ZNF619: variants seen among roughly 807,000 people sequenced by gnomAD.
ZNF619 encodes zinc finger protein 619.
In ZNF619, 9 loss-of-function variants were observed where a neutral mutation model predicts 14.2. That is an observed-to-expected ratio of 0.64 (90% CI 0.38 to 1.11). The LOEUF (loss-of-function observed/expected upper bound fraction) is 1.11, where lower values mean the gene tolerates loss of function less well. Ranked by LOEUF, ZNF619 falls within the 50% of genes least tolerant of loss-of-function variation. ZNF619 has a pLI of 0.01. For missense variants in ZNF619, 659 were observed against 680.1 expected (o/e 0.97, Z 0.34); for synonymous variants, 246 against 252.8 (o/e 0.97, Z 0.26).
rs928149491 is a variant in ZNF619, at chr3:40,488,523, T to C, written c.*282T>C. The C allele has an allele frequency of 4.9e-6, 2 of 404,936 alleles. No homozygotes were observed. The highest frequency in any genetic ancestry group is 4.1e-5 in the Admixed American group (1 of 24,250). 25.1% of individuals were successfully genotyped at this position (404,936 alleles called of 1,614,324 possible). ...TGGAGTTGGAAGAGTTTGCAGAACA[T>C]TTTGGGGTTTAGGGCATATGGCATT... On this transcript the variant is annotated 3_prime_UTR_variant, in exon 5 of 5. Coordinates refer to ENST00000432264, the MANE Select transcript of ZNF619 (RefSeq NM_001145093.4).
At position 40,482,938 on chromosome 3, in the gene ZNF619, G is replaced by A. The variant is rs536225375; in HGVS notation, c.295+234G>A. ...AAAGCTAAAGGATTTCAGGCTGGAT[G>A]TGGTGGCTTACACCTATATCCGAGC... On this transcript the variant is annotated intron_variant, in intron 4 of 4. Transcript: ENST00000432264. Among the ~76,000 whole-genome samples, 75 of 152,320 alleles carry A rather than the reference G, an allele frequency of 4.9e-4. 2 individuals are homozygous for A. The South Asian group carries it at 0.015, about 31-fold the overall frequency.
chr3:40,484,071 G>T (rs573786991), intron 4 of ZNF619, among the ~76,000 whole-genome samples: 37 of 151,810 alleles, frequency 2.4e-4, no homozygotes, highest in South Asian at 1.5e-3. Flanking sequence ...GATTACAGGC[G>T]CCCGCCACCA....
chr3:40,488,065 C>A lies in ZNF619; in HGVS notation c.1555C>A (p.Pro519Thr). The change falls in exon 5 of 5, where the codon CCC (proline) becomes ACC (threonine). Residue 519 changes from proline to threonine, a missense_variant. Physicochemically the swap from Pro to Thr is conservative, Grantham distance 38. Transcript: ENST00000432264. ...TCSALAPPGPPLSSSHAVVLP... is the reference protein window; with the variant it reads ...TCSALAPPGPTLSSSHAVVLP... Reference sequence around the variant, plus strand: ...CTCTGCCCTAGCCCCACCAGGGCCTCCCTTATCTTCTTCACATGCAGTGGT... The same window carrying A: ...CTCTGCCCTAGCCCCACCAGGGCCTACCTTATCTTCTTCACATGCAGTGGT... 1 of 1,614,228 alleles carries A rather than the reference C, an allele frequency of 6.2e-7. No homozygotes were observed. Among genetic ancestry groups the A allele is most frequent in the Non-Finnish European group, 8.5e-7 (1 of 1,180,036 alleles).
In ZNF619 at chr3:40,482,182, C is replaced by A. The variant is rs1697422884; in HGVS notation, c.178+166C>A. 3.2e-6 allele frequency: 5 copies of A among 1,547,596 alleles called. No individual in the cohort carries two copies. In the East Asian group the frequency reaches 1.2e-4, roughly 38 times the overall value. ...AGCTGGATGGAGAAAGAGCTCGGTT[C>A]ACTTTGGTGTTTAACAGGACTTTTC... On this transcript the variant is annotated intron_variant, in intron 3 of 4. Transcript: ENST00000432264.
At chr3:40,484,148 ACTT>A (rs1480724393) in intron 4 of ZNF619, among the ~76,000 whole-genome samples, 2 of 151,630 alleles carry the variant, frequency 1.3e-5, no homozygotes, top group African/African-American at 2.4e-5. Context: ...TTCGTCTTGA[ACTT>A]CTTACCTCAA....
intron 3 of ZNF619, 109 bp downstream of exon 3, chr3:40,482,125 G>T (rs1446893564): frequency 1.3e-6 from 2 of 1,552,678 alleles, no homozygotes; most frequent in Non-Finnish European, 8.7e-7. Flanking sequence ...ATGCCCTATG[G>T]GCTGAGCTCC....
chr3:40,483,774 A>G (rs1307017086), intron 4 of ZNF619: 4 of 351,898 alleles, frequency 1.1e-5, no homozygotes, highest in Admixed American at 7.1e-5. Flanking sequence ...GATTATAGGC[A>G]TGTGTCACCA....
In ZNF619 at chr3:40,490,404, GC is replaced by G. The variant is rs1031239552; in HGVS notation, c.*2165del. 6.6e-6 allele frequency among the ~76,000 whole-genome samples: 1 copy of G among 152,172 alleles called. No individual in the cohort carries two copies. The highest frequency in any genetic ancestry group is 1.5e-5 in the Non-Finnish European group (1 of 68,024). ...AATCTGGAAGATCAGGTCAGACAAAGCCTGTATTATCTAATGGAGCATTAAG... is the reference window on the plus strand; with the variant it reads ...AATCTGGAAGATCAGGTCAGACAAAGCTGTATTATCTAATGGAGCATTAAG... On this transcript the variant is annotated 3_prime_UTR_variant, in exon 5 of 5. Coordinates refer to ENST00000432264, the MANE Select transcript of ZNF619 (RefSeq NM_001145093.4).
In ZNF619 at chr3:40,478,007, A is replaced by G; in HGVS notation, c.24+4A>G. ...GCTCCAGACAGTGTGGTTCCAGGTGAGCAGAGCTTTCTTTCAGCTTTCCAT... is the reference window on the plus strand; with the variant it reads ...GCTCCAGACAGTGTGGTTCCAGGTGGGCAGAGCTTTCTTTCAGCTTTCCAT... On this transcript the variant is annotated splice_donor_region_variant and intron_variant, in intron 2 of 4. Coordinates refer to ENST00000432264, the MANE Select transcript of ZNF619 (RefSeq NM_001145093.4). 2 of 1,553,222 alleles carry G rather than the reference A, an allele frequency of 1.3e-6. No individual in the cohort carries two copies. Among genetic ancestry groups the G allele is most frequent in the Non-Finnish European group, 1.7e-6 (2 of 1,147,626 alleles).
Position 40,477,330 on chromosome 3 carries a change from G to A in ZNF619, c.-90G>A, listed in dbSNP as rs9882171. On this transcript the variant is annotated 5_prime_UTR_variant, in exon 1 of 5. Transcript: ENST00000432264. ...GACGCCCTCGACCTTCCTGCTCCGA[G>A]GAGCTGGCCTGATGTCCTCGGGTCG... 0.36 allele frequency: 54,714 copies of A among 152,606 alleles called. 10,111 individuals are homozygous for A. Among genetic ancestry groups the A allele is most frequent in the East Asian group, 0.48 (2,445 of 5,136 alleles). The allele number at this position is 152,606 out of a possible 1,614,324, so 9.5% of individuals were successfully genotyped here.
rs369231096 is a variant in ZNF619 at position 40,482,641 on chromosome 3, G to A, written c.232G>A (p.Ala78Thr). The change falls in exon 4 of 5, where the codon GCA (alanine) becomes ACA (threonine). Residue 78 changes from alanine (A) to threonine (T), a missense_variant. Physicochemically the swap from Ala to Thr is moderately conservative, Grantham distance 58. Coordinates refer to ENST00000432264, the MANE Select transcript of ZNF619 (RefSeq NM_001145093.4). ...GATATTCCAGCTGGAGCAAGGAGAA[G>A]CAGCATGGGGCCCAGATCCCTGGAC... ...DLIFQLEQGE[A>T]AWGPDPWTLA... 4 of 1,614,200 alleles carry A rather than the reference G, an allele frequency of 2.5e-6. No homozygotes were observed. The highest frequency in any genetic ancestry group is 3.3e-4 in the Middle Eastern group (2 of 6,056).
At chr3:40,482,226 G>GGA (rs769373471) in intron 3 of ZNF619, 2 of 1,551,606 alleles carry the variant, frequency 1.3e-6, no homozygotes, top group South Asian at 2.4e-5. Flanking sequence ...GGTTCCTAAT[G>GGA]GAGACCCAAC....
chr3:40,482,107 C>G, intron 3 of ZNF619, 91 bp downstream of exon 3: 1 of 1,549,976 alleles, frequency 6.5e-7, no homozygotes, highest in East Asian at 2.3e-5. Context: ...TTAATACCAT[C>G]AGAATTGATG....
At chr3:40,480,912 G>A (rs2125635836) in intron 2 of ZNF619, among the ~76,000 whole-genome samples, 1 of 152,288 alleles carries the variant, frequency 6.6e-6, no homozygotes. Context: ...GTCAGAGATA[G>A]ATGTTTTAAT....
Position 40,481,911 on chromosome 3 carries a change from G to A in ZNF619, c.73G>A (p.Val25Met). The change falls in exon 3 of 5, where the codon GTG becomes ATG. Residue 25 changes from valine to methionine, a missense_variant. Physicochemically the swap from Val to Met is conservative, Grantham distance 21. Coordinates refer to ENST00000432264, the MANE Select transcript of ZNF619 (RefSeq NM_001145093.4). ...LFQEPVTFED[V>M]AVYFTQNEWA... ...TCAGGAGCCAGTAACCTTTGAGGAT[G>A]TGGCTGTGTACTTCACCCAGAATGA... is the stretch of plus-strand genomic sequence containing the variant. 1.2e-6 allele frequency: 2 copies of A among 1,613,756 alleles called. No individual in the cohort carries two copies. The highest frequency in any genetic ancestry group is 4.5e-5 in the East Asian group (2 of 44,856).
intron 1 of ZNF619, chr3:40,477,678 A>T (rs925027776): frequency 8.0e-5 from 31 of 389,682 alleles, no homozygotes; most frequent in Non-Finnish European, 1.4e-4. Context: ...CCACGAATCC[A>T]CTGCAGTTCT....
At chr3:40,483,446 A>G (rs1471568294) in intron 4 of ZNF619, among the ~76,000 whole-genome samples, 2 of 151,764 alleles carry the variant, frequency 1.3e-5, no homozygotes, top group African/African-American at 2.4e-5. Flanking sequence ...GCGTGCCACC[A>G]TGACTGGCTA....
chr3:40,478,999 A>G (rs1697294068), intron 2 of ZNF619, among the ~76,000 whole-genome samples: 1 of 152,192 alleles, frequency 6.6e-6, no homozygotes, highest in Non-Finnish European at 1.5e-5. Flanking sequence ...ACAGTGGATT[A>G]AACGAGGTAA....
intron 4 of ZNF619, among the ~76,000 whole-genome samples, chr3:40,485,412 A>G (rs1017147316): frequency 1.1e-4 from 16 of 150,822 alleles, no homozygotes; most frequent in Non-Finnish European, 1.9e-4. Context: ...ACCAATTCTC[A>G]TGCCTCAGCC....
Sources: gnomAD v4.1 joint callset for allele counts (sites outside exome capture counted in the v4.1 genomes callset) on GRCh38, gnomAD v4.1.1 for gene constraint, MANE v1.5 for transcripts, NCBI Gene and HGNC (gene_info 2026-07-23, HGNC 2026-07-21) for gene names.